Variants in DDC observed in about 807,000 individuals in gnomAD.
DDC encodes the protein aromatic-L-amino-acid decarboxylase.
A neutral mutation model predicts 60.0 loss-of-function variants in DDC; 43 were observed. The observed-to-expected ratio is 0.72, with a 90% CI of 0.56 to 0.92. DDC has a LOEUF of 0.92. DDC is among the 40% of genes least tolerant of loss of function. The pLI is 0.00. For missense variants in DDC, 573 were observed against 620.2 expected (o/e 0.92, Z 0.81); for synonymous variants, 232 against 234.6 (o/e 0.99, Z 0.10).
In DDC at chr7:50,470,117, A is replaced by G; in HGVS notation, c.1096T>C (p.Phe366Leu). The change falls in exon 12 of 15, where the codon TTT (phenylalanine) becomes CTT (leucine). Residue 366 changes from phenylalanine (F) to leucine (L), a missense_variant. Coordinates refer to ENST00000444124, the MANE Select transcript of DDC (RefSeq NM_001082971.2). ...RFRSLKMWFVFRMYGVKGLQA... is the reference protein window; with the variant it reads ...RFRSLKMWFVLRMYGVKGLQA... ...AGTCCTTTGACTCCATACATCCTAA[A>G]TACAAACCACATTTTCAAAGAGCGA... 1 of 1,613,962 alleles carries G rather than the reference A, an allele frequency of 6.2e-7. No homozygotes were observed. The highest frequency in any genetic ancestry group is 1.1e-5 in the South Asian group (1 of 91,084).
At chr7:50,497,200 C>T (rs954442622) in intron 8 of DDC, among the ~76,000 whole-genome samples, 8 of 136,244 alleles carry the variant, frequency 5.9e-5, no homozygotes, top group African/African-American at 2.2e-4. Context: ...CTGAGACGCA[C>T]AGCCCTCAGC....
intron 1 of DDC, among the ~76,000 whole-genome samples, chr7:50,551,619 A>C (rs1180343674): frequency 3.3e-5 from 5 of 152,074 alleles, no homozygotes; most frequent in African/African-American, 1.2e-4. Flanking sequence ...TTTCTTGCTC[A>C]CTGCATTCTT....
At chr7:50,564,678 T>A (rs1317127756) in intron 1 of DDC, among the ~76,000 whole-genome samples, 1 of 152,222 alleles carries the variant, frequency 6.6e-6, no homozygotes, top group East Asian at 1.9e-4. Context: ...TATCCGCATA[T>A]GTTTTCAGAT....
intron 14 of DDC, among the ~76,000 whole-genome samples, chr7:50,460,012 G>A (rs1371313793): frequency 6.8e-6 from 1 of 147,138 alleles, no homozygotes; most frequent in Non-Finnish European, 1.5e-5. Context: ...ACTGGGAAGT[G>A]AGGATCCCCT....
intron 13 of DDC, among the ~76,000 whole-genome samples, chr7:50,464,075 C>T (rs906221983): frequency 8.6e-5 from 13 of 152,004 alleles, no homozygotes; most frequent in Non-Finnish European, 1.5e-4. Context: ...CACTTCACCT[C>T]CATCTCCCTT....
At chr7:50,515,162 G>A (rs1022225792) in intron 6 of DDC, among the ~76,000 whole-genome samples, 4 of 152,196 alleles carry the variant, frequency 2.6e-5, no homozygotes, top group Admixed American at 2.0e-4. Flanking sequence ...TGAGACAGAA[G>A]CACCAGGTTA....
At chr7:50,499,091 A>C in intron 8 of DDC, 57 bp downstream of exon 8, 1 of 1,285,426 alleles carries the variant, frequency 7.8e-7, no homozygotes, top group South Asian at 1.2e-5. Flanking sequence ...ATGAAGGGAG[A>C]GGTCAATAAC....
chr7:50,520,889 C>T, intron 6 of DDC, among the ~76,000 whole-genome samples: 1 of 149,058 alleles, frequency 6.7e-6, no homozygotes, highest in African/African-American at 2.5e-5. Flanking sequence ...CAGAGTAAGA[C>T]TCTGTCTCAG....
chr7:50,511,052 TACACACACACACACACACACAC>T (rs377138071), intron 6 of DDC, among the ~76,000 whole-genome samples: 1 of 139,098 alleles, frequency 7.2e-6, no homozygotes, highest in Non-Finnish European at 1.5e-5. Context: ...GATATATCTA[TACACACACACACACACACACAC>T]ACACACACAC....
At chr7:50,479,946 C>G in intron 9 of DDC, 83 bp from the exon 10 acceptor site, 1 of 1,045,010 alleles carries the variant, frequency 9.6e-7, no homozygotes, top group Non-Finnish European at 1.4e-6. Context: ...CCTGCCTCAG[C>G]TCAGGCACCT....
At chr7:50,476,475 C>G in intron 11 of DDC, 149 bp downstream of exon 11, 2 of 745,636 alleles carry the variant, frequency 2.7e-6, no homozygotes, top group South Asian at 1.5e-5. Context: ...CCTGGCAGGA[C>G]CCCCCTAATT....
chr7:50,491,187 T>C (rs2042990780), intron 9 of DDC, among the ~76,000 whole-genome samples: 1 of 152,236 alleles, frequency 6.6e-6, no homozygotes, highest in African/African-American at 2.4e-5. Flanking sequence ...ACGTCAACTT[T>C]GGAAGAAAAT....
rs372970018 is a variant in DDC at position 50,463,282 on chromosome 7, C to G, written c.1392G>C (p.Trp464Cys). ...CGGCCGCCAGCTCTTTGATGTGTTCCCAGGCCCGCTGCACATGGGCAGATT... is the reference window on the plus strand; with the variant it reads ...CGGCCGCCAGCTCTTTGATGTGTTCGCAGGCCCGCTGCACATGGGCAGATT... Reference protein sequence around the residue: ...TVESAHVQRAWEHIKELAADV... With the variant: ...TVESAHVQRACEHIKELAADV... The change falls in exon 14 of 15, where the codon TGG becomes TGC. Residue 464 changes from tryptophan to cysteine, a missense_variant. Physicochemically the swap from Trp to Cys is radical, Grantham distance 215 (BLOSUM62 -2). Transcript: ENST00000444124. The G allele has an allele frequency of 1.4e-5, 22 of 1,614,058 alleles. No homozygotes were observed. The highest frequency in any genetic ancestry group is 2.7e-5 in the African/African-American group (2 of 74,918).
At chr7:50,472,757 C>T (rs1258683665) in intron 11 of DDC, among the ~76,000 whole-genome samples, 1 of 152,142 alleles carries the variant, frequency 6.6e-6, no homozygotes, top group African/African-American at 2.4e-5. Flanking sequence ...GCGTCCTGAA[C>T]AGCCTCCTCC....
chr7:50,539,921 G>C lies in DDC; in HGVS notation c.309C>G (p.Phe103Leu), dbSNP rs192659401. Residue 103 changes from phenylalanine (F) to leucine (L), a missense_variant, in exon 3 of 15, where the codon TTC (phenylalanine) becomes TTG (leucine). By Grantham distance (22) the Phe-to-Leu change is conservative. Coordinates refer to ENST00000444124, the MANE Select transcript of DDC (RefSeq NM_001082971.2). ...MLCGAIGCIG[F>L]SWAASPACTE... is the part of the protein sequence containing the mutation. Reference sequence around the variant, plus strand: ...GGTGCATCCGGACCCTCACCCAGGAGAAGCCGATGCAGCCAATGGCCCCGC... The same window carrying C: ...GGTGCATCCGGACCCTCACCCAGGACAAGCCGATGCAGCCAATGGCCCCGC... The C allele has an allele frequency of 6.2e-7, 1 of 1,613,566 alleles. No individual in the cohort carries two copies. The highest frequency in any genetic ancestry group is 1.3e-5 in the African/African-American group (1 of 75,024).
At chr7:50,546,400 G>C (rs1388247635) in intron 1 of DDC, among the ~76,000 whole-genome samples, 1 of 152,160 alleles carries the variant, frequency 6.6e-6, no homozygotes, top group Non-Finnish European at 1.5e-5. Flanking sequence ...AGGGTCCCTG[G>C]GTGGAAAATT....
chr7:50,563,670 C>T (rs572016948), intron 1 of DDC, among the ~76,000 whole-genome samples: 25 of 152,262 alleles, frequency 1.6e-4, no homozygotes, highest in African/African-American at 4.8e-4. Flanking sequence ...GACTCGATCT[C>T]GGCTCACCGC....
intron 1 of DDC, 64 bp downstream of exon 1, chr7:50,565,221 G>A (rs996682357): frequency 2.0e-5 from 3 of 152,242 alleles, no homozygotes; most frequent in South Asian, 2.1e-4. Context: ...GGGCCAGAGA[G>A]TCAAGGTACA....
chr7:50,506,307 CT>C (rs969653526), intron 6 of DDC, among the ~76,000 whole-genome samples: 2 of 151,450 alleles, frequency 1.3e-5, no homozygotes, highest in Non-Finnish European at 2.9e-5. Context: ...GGTGAATTTG[CT>C]TTTTTTTTAC....
Sources: allele counts gnomAD v4.1 joint callset (sites outside exome capture counted in the v4.1 genomes callset), GRCh38; gene constraint gnomAD v4.1.1; transcripts MANE v1.5; gene names NCBI Gene and HGNC (gene_info 2026-07-23, HGNC 2026-07-21).